The following RTTN variants were observed in gnomAD, a reference collection of about 807,000 sequenced individuals.
RTTN encodes the protein rotatin.
In RTTN, 182 loss-of-function variants were observed where a neutral mutation model predicts 269.2. The observed-to-expected ratio is 0.68, with a 90% CI of 0.60 to 0.76. The LOEUF (loss-of-function observed/expected upper bound fraction) is 0.76, where lower values mean the gene tolerates loss of function less well. Among genes scored for constraint, RTTN ranks in the 30% least tolerant of loss-of-function variants. RTTN has a pLI of 0.00. For missense variants in RTTN, 2,545 were observed against 2,608.6 expected, an observed-to-expected ratio of 0.98 and a Z score of 0.53; for synonymous variants, 1,006 against 963.5, an observed-to-expected ratio of 1.04 and a Z score of -0.82.
chr18:70,186,909 G>T (rs1032291863), intron 10 of RTTN, among the ~76,000 whole-genome samples: 1 of 152,034 alleles, frequency 6.6e-6, no homozygotes, highest in African/African-American at 2.4e-5. Context: ...ATTACCTATC[G>T]GGTACTAGGC....
chr18:70,170,736 T>G (rs938569935), intron 11 of RTTN, among the ~76,000 whole-genome samples: 1 of 152,168 alleles, frequency 6.6e-6, no homozygotes. Context: ...TGTAGAGAAC[T>G]GATGGTAATG....
At position 70,169,022 on chromosome 18, in the gene RTTN, G is replaced by T; in HGVS notation, c.1522C>A (p.Leu508Ile). The part of the protein sequence containing the change: ...SEPMSTALFL[L>I]SLDMPISLEY... ...AAAGAAATAGGCATGTCCAAAGAAA[G>T]GAGAAATAATGCTGTTGACATAGGC... The change falls in exon 12 of 49, where the codon CTT (leucine) becomes ATT (isoleucine). Residue 508 changes from leucine (L) to isoleucine (I), a missense_variant. By Grantham distance (5) the Leu-to-Ile change is conservative. Transcript: ENST00000640769. 1 of 1,612,364 alleles carries T rather than the reference G, an allele frequency of 6.2e-7. No homozygotes were observed.
At chr18:70,159,188 G>T (rs1016474869) in intron 14 of RTTN, among the ~76,000 whole-genome samples, 1 of 152,078 alleles carries the variant, frequency 6.6e-6, no homozygotes, top group African/African-American at 2.4e-5. Context: ...ACACTCAGCT[G>T]TAAAGCAATT....
chr18:70,042,843 C>T (rs1440242109), intron 40 of RTTN, among the ~76,000 whole-genome samples: 5 of 152,210 alleles, frequency 3.3e-5, no homozygotes, highest in African/African-American at 1.2e-4. Flanking sequence ...AAGACCTCCT[C>T]AGTACCTTTT....
At chr18:70,176,932 A>G in intron 10 of RTTN, 87 bp from the exon 11 acceptor site, 1 of 945,258 alleles carries the variant, frequency 1.1e-6, no homozygotes, top group Non-Finnish European at 1.5e-6. Flanking sequence ...AGTTTAAAAT[A>G]TTATCATTTT....
At position 70,140,157 on chromosome 18, in the gene RTTN, TA is replaced by T. The variant is rs764568456; in HGVS notation, c.2612del (p.Leu871TyrfsTer3). The T allele has an allele frequency of 1.9e-6, 3 of 1,599,456 alleles. No homozygotes were observed. In the African/African-American group the frequency reaches 4.0e-5, roughly 21 times the overall value. The stretch of plus-strand genomic sequence containing the variant: ...ACTCAATTATTTTGTCAATTAAGCA[TA>T]ACTTTTTCACCACAGCATGCATTTT... ...DIKMHAVVKK[L>X]CLIDKIIEYL... On this transcript the variant is annotated frameshift_variant, in exon 20 of 49. Transcript: ENST00000640769. LOFTEE classifies it high-confidence loss of function.
At chr18:70,013,156 T>C (rs2056441321) in intron 46 of RTTN, among the ~76,000 whole-genome samples, 1 of 152,146 alleles carries the variant, frequency 6.6e-6, no homozygotes, top group Admixed American at 6.5e-5. Context: ...ATGCAATTTA[T>C]CACGTGAGGT....
chr18:70,163,945 T>G (rs1382880379), intron 14 of RTTN, among the ~76,000 whole-genome samples: 3 of 152,158 alleles, frequency 2.0e-5, no homozygotes, highest in Admixed American at 6.5e-5. Flanking sequence ...AACATTATAT[T>G]AAGTGAAATA....
chr18:70,185,788 C>CA (rs1014588293), intron 10 of RTTN, among the ~76,000 whole-genome samples: 20 of 150,988 alleles, frequency 1.3e-4, no homozygotes, highest in East Asian at 5.8e-4. Flanking sequence ...CAAAACAAAA[C>CA]AAAAAAAACT....
At chr18:70,199,555 G>C (rs747654609) in intron 4 of RTTN, 51 bp from the exon 5 acceptor site, 1 of 1,247,904 alleles carries the variant, frequency 8.0e-7, no homozygotes, top group Non-Finnish European at 1.2e-6. Context: ...AGAGATGACA[G>C]ATTCACAATG....
chr18:70,012,878 T>C (rs572931756), intron 46 of RTTN, among the ~76,000 whole-genome samples: 7 of 152,326 alleles, frequency 4.6e-5, no homozygotes, highest in Non-Finnish European at 7.4e-5. Context: ...GTGTGAAAGA[T>C]TCCAGAATAG....
intron 7 of RTTN, among the ~76,000 whole-genome samples, chr18:70,195,137 TCTC>T (rs1175310111): frequency 6.6e-6 from 1 of 152,142 alleles, no homozygotes; most frequent in Non-Finnish European, 1.5e-5. Flanking sequence ...GTCACCTCAT[TCTC>T]CTCTTCTGCC....
intron 40 of RTTN, among the ~76,000 whole-genome samples, chr18:70,044,236 C>T (rs1194579910): frequency 1.3e-5 from 2 of 152,148 alleles, no homozygotes; most frequent in Non-Finnish European, 2.9e-5. Flanking sequence ...TTGAATTTTA[C>T]CATTCACTAA....
chr18:70,163,069 T>TTAAAAAAAA lies in RTTN; in HGVS notation c.1929+2992_1929+2993insTTTTTTTTA, dbSNP rs766183356. On this transcript the variant is annotated intron_variant, in intron 14 of 48. Coordinates refer to ENST00000640769, the MANE Select transcript of RTTN (RefSeq NM_173630.4). ...CACCCATTAGGATGGTTACTATTAT[T>TTAAAAAAAA]AAAAAAAAAAAAAAAAAAAAAAAAA... Among the ~76,000 whole-genome samples, 25 of 56,984 alleles carry TTAAAAAAAA rather than the reference T, an allele frequency of 4.4e-4. 2 individuals are homozygous for TTAAAAAAAA. The highest frequency in any genetic ancestry group is 2.6e-3 in the East Asian group (4 of 1,544). 37.4% of individuals were successfully genotyped at this position (56,984 alleles called of 152,430 possible).
Position 70,134,541 on chromosome 18 carries a change from C to A in RTTN, c.2886G>T (p.Trp962Cys). ...AAGGTTTATTGGAAGGATTAACAGA[C>A]CTATTTCATAAAAGAAAAACAAAAA... ...LFDEVSRMDM[W>C]SVNPSNKPSL... is the part of the protein sequence containing the mutation. Residue 962 changes from tryptophan (W) to cysteine (C), a missense_variant and splice_region_variant, in exon 23 of 49, where the codon TGG becomes TGT. By Grantham distance (215) the Trp-to-Cys change is radical (BLOSUM62 -2). Transcript: ENST00000640769. The A allele has an allele frequency of 6.3e-7, 1 of 1,599,094 alleles. No individual in the cohort carries two copies. The highest frequency in any genetic ancestry group is 8.5e-7 in the Non-Finnish European group (1 of 1,174,398).
At chr18:70,016,754 G>A (rs747072071) in intron 46 of RTTN, among the ~76,000 whole-genome samples, 10 of 151,806 alleles carry the variant, frequency 6.6e-5, no homozygotes, top group East Asian at 5.8e-4. Flanking sequence ...AACTCTCTCC[G>A]GTCTGCTTGG....
intron 32 of RTTN, among the ~76,000 whole-genome samples, chr18:70,085,825 A>C (rs1485605033): frequency 6.6e-6 from 1 of 152,140 alleles, no homozygotes; most frequent in East Asian, 1.9e-4. Flanking sequence ...ACTCCCAAGG[A>C]GGGAGTGGGG....
chr18:70,016,854 C>G (rs1456130059), intron 46 of RTTN, among the ~76,000 whole-genome samples: 2 of 151,964 alleles, frequency 1.3e-5, no homozygotes, highest in African/African-American at 4.8e-5. Context: ...AGACAAAAGC[C>G]TCCTGACCCC....
chr18:70,148,813 AGTTTT>A, intron 17 of RTTN, 83 bp downstream of exon 17: 6 of 1,497,816 alleles, frequency 4.0e-6, no homozygotes, highest in Non-Finnish European at 4.6e-6. Flanking sequence ...AAAATTCTTT[AGTTTT>A]GTTTCAAATT....
Sources: gnomAD v4.1 joint callset for allele counts (sites outside exome capture counted in the v4.1 genomes callset) on GRCh38, gnomAD v4.1.1 for gene constraint, MANE v1.5 for transcripts, NCBI Gene and HGNC (gene_info 2026-07-23, HGNC 2026-07-21) for gene names.